Variants in GABPA observed in about 807,000 individuals in gnomAD.
The protein encoded by GABPA is GA-binding protein alpha chain.
In GABPA, 4 loss-of-function variants were observed where a neutral mutation model predicts 59.4. The ratio of observed to expected loss-of-function variants is 0.07; its 90% CI spans 0.03 to 0.15. The LOEUF is 0.15. GABPA is among the 10% of genes least tolerant of loss of function. The pLI is 1.00. For synonymous variants in GABPA, 164 were observed against 183.1 expected (o/e 0.90, Z 0.84); for missense variants, 251 against 543.8 (o/e 0.46, Z 5.36).
intron 3 of GABPA, 75 bp from the exon 4 acceptor site, chr21:25,748,961 T>TA: frequency 3.5e-6 from 3 of 865,220 alleles, no homozygotes; most frequent in Non-Finnish European, 5.9e-6. Flanking sequence ...TACATCCATT[T>TA]ATTCTAAACC....
Position 25,746,220 on chromosome 21 carries a change from G to T in GABPA, c.222+866G>T, listed in dbSNP as rs570322861. On this transcript the variant is annotated intron_variant, in intron 3 of 9. Transcript: ENST00000400075. ...AGTAGACACGGGGTTTTGCTGTGTT[G>T]GCCAGGCTGCTCTTGAACTCCTGAT... Among the ~76,000 whole-genome samples the T allele has an allele frequency of 2.6e-4, 40 of 152,078 alleles. No homozygotes were observed. In the South Asian group the frequency reaches 7.1e-3, roughly 27 times the overall value.
intron 9 of GABPA, 74 bp downstream of exon 9, chr21:25,764,861 T>A: frequency 9.4e-7 from 1 of 1,067,208 alleles, no homozygotes; most frequent in Non-Finnish European, 1.3e-6. Context: ...ATTCTAGATG[T>A]AATAAGCATT....
chr21:25,764,397 G>C (rs2035841156), intron 8 of GABPA, 47 bp downstream of exon 8: 2 of 1,522,388 alleles, frequency 1.3e-6, no homozygotes, highest in East Asian at 2.5e-5. Context: ...TATCTAATTA[G>C]GTATATTTTG....
At position 25,770,278 on chromosome 21, in the gene GABPA, C is replaced by T. The variant is rs2035983358; in HGVS notation, c.*1046C>T. On this transcript the variant is annotated 3_prime_UTR_variant, in exon 10 of 10. Coordinates refer to ENST00000400075, the MANE Select transcript of GABPA (RefSeq NM_002040.4). The stretch of plus-strand genomic sequence containing the variant: ...TCTTCTCTTTAAGACAATACTTTTC[C>T]ACTTGTTTTCCTTTTCCATATTATA... 1 of 152,022 alleles carries T rather than the reference C, an allele frequency of 6.6e-6. No individual in the cohort carries two copies. The highest frequency in any genetic ancestry group is 1.5e-5 in the Non-Finnish European group (1 of 67,934). The allele number at this position is 152,022 out of a possible 1,614,324, so 9.4% of individuals were successfully genotyped here.
intron 5 of GABPA, among the ~76,000 whole-genome samples, chr21:25,757,089 G>A (rs1430792921): frequency 2.0e-5 from 3 of 151,906 alleles, no homozygotes; most frequent in Admixed American, 2.0e-4. Flanking sequence ...ATTTGCCCTC[G>A]ATACCTAAAT....
rs71649647 is a variant in GABPA at position 25,736,067 on chromosome 21, A to G, written c.-27+489A>G. 8.0e-3 allele frequency among the ~76,000 whole-genome samples: 1,225 copies of G among 152,238 alleles called. 7 individuals carry two copies. Among genetic ancestry groups the G allele is most frequent in the Non-Finnish European group, 0.013 (903 of 68,022 alleles). The stretch of plus-strand genomic sequence containing the variant: ...ACACCAGAATCATTTATCAGCGTAT[A>G]TGGTAGCCATCTGGGTTTGTTTTTT... On this transcript the variant is annotated intron_variant, in intron 1 of 9. Coordinates refer to ENST00000400075, the MANE Select transcript of GABPA (RefSeq NM_002040.4).
Position 25,755,505 on chromosome 21 carries a change from A to T in GABPA, c.554-2505A>T, listed in dbSNP as rs536280422. Among the ~76,000 whole-genome samples the T allele has an allele frequency of 1.3e-3, 201 of 151,644 alleles. 7 individuals are homozygous for T. The South Asian group carries it at 0.041, about 31-fold the overall frequency. On this transcript the variant is annotated intron_variant, in intron 5 of 9. Transcript: ENST00000400075. The stretch of plus-strand genomic sequence containing the variant: ...TCAATATTTATAGATCTTTTTGCAG[A>T]TACCTGTCAGCAGTAGAAGATAGGG...
rs71649702 is a variant in GABPA, at chr21:25,752,949, G to T, written c.553+715G>T. Among the ~76,000 whole-genome samples, 1,032 of 152,302 alleles carry T rather than the reference G, an allele frequency of 6.8e-3. 9 individuals are homozygous for T. Among genetic ancestry groups the T allele is most frequent in the African/African-American group, 0.024 (983 of 41,576 alleles). ...AGCAAGGAAAAAGTGGATGAAAACA[G>T]TGATAGGACTGAGCAGATTGACAGA... is the stretch of plus-strand genomic sequence containing the variant. On this transcript the variant is annotated intron_variant, in intron 5 of 9. Transcript: ENST00000400075.
chr21:25,753,855 C>T (rs1237948588), intron 5 of GABPA, among the ~76,000 whole-genome samples: 1 of 151,982 alleles, frequency 6.6e-6, no homozygotes, highest in Non-Finnish European at 1.5e-5. Flanking sequence ...CAAGGTTGTA[C>T]CTGGGGAGCA....
chr21:25,764,093 T>G, intron 7 of GABPA, 117 bp from the exon 8 acceptor site: 1 of 788,410 alleles, frequency 1.3e-6, no homozygotes, highest in Non-Finnish European at 1.9e-6. Flanking sequence ...TGTAGTGAAG[T>G]ACTTTCTTGG....
chr21:25,768,963 A>ATTTAT (rs35608323), intron 9 of GABPA, 41 bp from the exon 10 acceptor site: 2 of 1,267,316 alleles, frequency 1.6e-6, no homozygotes, highest in Non-Finnish European at 2.1e-6. Flanking sequence ...AAGAAGTCTC[A>ATTTAT]TTTTTTCTGA....
intron 3 of GABPA, among the ~76,000 whole-genome samples, chr21:25,745,797 A>G (rs1208945303): frequency 6.6e-6 from 1 of 152,178 alleles, no homozygotes; most frequent in Non-Finnish European, 1.5e-5. Context: ...TTTAAATATC[A>G]ACTGATAGGT....
chr21:25,769,866 CTTA>C lies in GABPA; in HGVS notation c.*638_*640del, dbSNP rs2035975014. ...GGAGGAGATCCAGGTTTAAATCTGG[CTTA>C]TTAACTCAAGCCAATTTTAAGGATT... On this transcript the variant is annotated 3_prime_UTR_variant, in exon 10 of 10. Transcript: ENST00000400075. The C allele has an allele frequency of 6.6e-6, 1 of 152,510 alleles. No homozygotes were observed. The highest frequency in any genetic ancestry group is 6.6e-5 in the Admixed American group (1 of 15,262). The allele number at this position is 152,510 out of a possible 1,614,324, so 9.4% of individuals were successfully genotyped here.
chr21:25,735,652 AC>A (rs2035023272), intron 1 of GABPA, 74 bp downstream of exon 1: 1 of 151,418 alleles, frequency 6.6e-6, no homozygotes, highest in African/African-American at 2.4e-5. Flanking sequence ...CTTTTCCCCC[AC>A]AAGGGCCCCC....
intron 4 of GABPA, among the ~76,000 whole-genome samples, chr21:25,751,002 T>C (rs1270840673): frequency 1.3e-5 from 2 of 152,196 alleles, no homozygotes; most frequent in African/African-American, 2.4e-5. Context: ...AGTTGAGTTG[T>C]GCTTTTTCTT....
In GABPA at chr21:25,751,936, G is replaced by T. The variant is rs1446250748; in HGVS notation, c.308-53G>T. The stretch of plus-strand genomic sequence containing the variant: ...AACATATAAACTAAATTATTTTTTG[G>T]TGACTTCTGCGTTTTCATTTAGATT... On this transcript the variant is annotated intron_variant, in intron 4 of 9. Coordinates refer to ENST00000400075, the MANE Select transcript of GABPA (RefSeq NM_002040.4). 6 of 1,576,852 alleles carry T rather than the reference G, an allele frequency of 3.8e-6. No individual in the cohort carries two copies. In the African/African-American group the frequency reaches 6.8e-5, roughly 18 times the overall value.
intron 5 of GABPA, among the ~76,000 whole-genome samples, chr21:25,757,399 C>T (rs538808169): frequency 6.6e-6 from 1 of 152,022 alleles, no homozygotes; most frequent in South Asian, 2.1e-4. Context: ...GAGCAAGGCA[C>T]TGTTAGGTTC....
At chr21:25,762,038 C>T (rs1026964753) in intron 6 of GABPA, among the ~76,000 whole-genome samples, 1 of 152,144 alleles carries the variant, frequency 6.6e-6, no homozygotes, top group South Asian at 2.1e-4. Flanking sequence ...CAAATGTTTA[C>T]ATTTAGAAAA....
Position 25,771,965 on chromosome 21 carries a change from T to G in GABPA, c.*2733T>G, listed in dbSNP as rs2036017882. On this transcript the variant is annotated 3_prime_UTR_variant, in exon 10 of 10. Coordinates refer to ENST00000400075, the MANE Select transcript of GABPA (RefSeq NM_002040.4). ...AGTCTATGTTATTAGGAAAAATTGT[T>G]TAGTTGTTTTCTCCCCTGATTAATG... 6.6e-6 allele frequency: 1 copy of G among 152,072 alleles called. No individual in the cohort carries two copies. The highest frequency in any genetic ancestry group is 1.5e-5 in the Non-Finnish European group (1 of 67,900). The allele number at this position is 152,072 out of a possible 1,614,324, so 9.4% of individuals were successfully genotyped here.
Sources: gnomAD v4.1 joint callset for allele counts (sites outside exome capture counted in the v4.1 genomes callset) on GRCh38, gnomAD v4.1.1 for gene constraint, MANE v1.5 for transcripts, NCBI Gene and HGNC (gene_info 2026-07-23, HGNC 2026-07-21) for gene names.